Variants in RORA observed in about 807,000 individuals in gnomAD.
RORA encodes RAR related orphan receptor A, also known as nuclear receptor ROR-alpha.
RORA carries 7 observed loss-of-function variants against 69.5 expected under a neutral mutation model. That is an observed-to-expected ratio of 0.10 (90% CI 0.06 to 0.19). RORA has a LOEUF of 0.19. RORA is among the 10% of genes least tolerant of loss of function. The pLI is 1.00. For synonymous variants in RORA, 261 were observed against 240.8 expected (o/e 1.08, Z -0.78); for missense variants, 457 against 663.0 (o/e 0.69, Z 3.41).
At chr15:60,890,676 G>A (rs1476971968) in intron 1 of RORA, among the ~76,000 whole-genome samples, 8 of 152,188 alleles carry the variant, frequency 5.3e-5, no homozygotes, top group Admixed American at 4.6e-4. Flanking sequence ...GAAATCTTTG[G>A]CATTGCAGTA....
chr15:60,589,825 G>C lies in RORA; in HGVS notation c.197-57974C>G, dbSNP rs114882940. The stretch of plus-strand genomic sequence containing the variant: ...GAGAATCTTTCTTTTATGGTGGCTT[G>C]TTCTCTCCTCCCTTGTCCACATGCA... On this transcript the variant is annotated intron_variant, in intron 2 of 10. Transcript: ENST00000335670. Among the ~76,000 whole-genome samples, 559 of 152,254 alleles carry C rather than the reference G, an allele frequency of 3.7e-3. 1 individual carries two copies. Among genetic ancestry groups the C allele is most frequent in the Non-Finnish European group, 6.4e-3 (434 of 68,018 alleles).
At chr15:60,814,325 T>A in intron 1 of RORA, among the ~76,000 whole-genome samples, 1 of 152,182 alleles carries the variant, frequency 6.6e-6, no homozygotes, top group East Asian at 1.9e-4. Context: ...GCATGAATCA[T>A]ATGCTAAGGA....
At chr15:60,673,486 T>A (rs2070505831) in intron 2 of RORA, among the ~76,000 whole-genome samples, 1 of 152,348 alleles carries the variant, frequency 6.6e-6, no homozygotes. Flanking sequence ...AAATAGATGT[T>A]ACTCTGTAAG....
intron 1 of RORA, among the ~76,000 whole-genome samples, chr15:61,048,199 T>C (rs1426219264): frequency 2.0e-5 from 3 of 152,200 alleles, no homozygotes; most frequent in Non-Finnish European, 4.4e-5. Context: ...TAAGTAAGAT[T>C]ATGCTGGTGT....
At chr15:60,944,653 G>A (rs1199730381) in intron 1 of RORA, among the ~76,000 whole-genome samples, 2 of 150,454 alleles carry the variant, frequency 1.3e-5, no homozygotes, top group African/African-American at 4.9e-5. Flanking sequence ...TGAGCAAAAG[G>A]GGCAGAGGTT....
chr15:60,855,714 G>A (rs569202311), intron 1 of RORA, among the ~76,000 whole-genome samples: 20 of 151,982 alleles, frequency 1.3e-4, no homozygotes, highest in Admixed American at 7.9e-4. Context: ...TCCGCCTCCC[G>A]GATTTAAGCG....
rs977063957 is a variant in RORA, at chr15:60,872,279, T to C, written c.167-193593A>G. Among the ~76,000 whole-genome samples the C allele has an allele frequency of 3.9e-5, 6 of 152,294 alleles. No individual in the cohort carries two copies. The East Asian group carries it at 5.8e-4, about 15-fold the overall frequency. ...TCACAGGGGTATTAGGAAGATCATA[T>C]ACAAAGATGCTCTGGAGAATGCAAT... On this transcript the variant is annotated intron_variant, in intron 1 of 10. Coordinates refer to ENST00000335670, the MANE Select transcript of RORA (RefSeq NM_134261.3).
chr15:60,892,327 T>A (rs1362482091), intron 1 of RORA, among the ~76,000 whole-genome samples: 2 of 152,218 alleles, frequency 1.3e-5, no homozygotes, highest in Non-Finnish European at 2.9e-5. Context: ...AAATCAGGAA[T>A]ATTGAAACTC....
chr15:60,781,684 G>C (rs2072259197), intron 1 of RORA, among the ~76,000 whole-genome samples: 1 of 152,006 alleles, frequency 6.6e-6, no homozygotes, highest in Non-Finnish European at 1.5e-5. Context: ...GTGCCTCCCT[G>C]GGGTGGGGGG....
chr15:60,721,812 T>C (rs963177651), intron 1 of RORA, among the ~76,000 whole-genome samples: 1 of 152,270 alleles, frequency 6.6e-6, no homozygotes, highest in African/African-American at 2.4e-5. Flanking sequence ...GAGCAAAGAT[T>C]ATTTCTGCAG....
At chr15:60,743,016 A>ATTTTTTTTTTT (rs33922947) in intron 1 of RORA, among the ~76,000 whole-genome samples, 1 of 105,172 alleles carries the variant, frequency 9.5e-6, no homozygotes, top group Non-Finnish European at 1.9e-5. Context: ...CATTCATTCT[A>ATTTTTTTTTTT]TTTTTTTTTT....
chr15:60,782,480 G>A (rs1457306777), intron 1 of RORA, among the ~76,000 whole-genome samples: 1 of 152,046 alleles, frequency 6.6e-6, no homozygotes. Context: ...CTCCTTTCAC[G>A]ATCTTTATTT....
In RORA at chr15:61,061,392, A is replaced by ATACATACATAC. The variant is rs1555406922; in HGVS notation, c.166+167660_166+167661insGTATGTATGTA. On this transcript the variant is annotated intron_variant, in intron 1 of 10. Transcript: ENST00000335670. The surrounding 1 kb of genome is among the most constrained non-coding windows in gnomAD (Gnocchi z 4.4). ...AAATAAATAAATAAATAAATAAATAAATAAATACAAGGGCATCGCAGGAAG... is the reference window on the plus strand; with the variant it reads ...AAATAAATAAATAAATAAATAAATAATACATACATACATAAATACAAGGGCATCGCAGGAAG... 2.5e-5 allele frequency among the ~76,000 whole-genome samples: 3 copies of ATACATACATAC among 119,446 alleles called. No individual in the cohort carries two copies. Among genetic ancestry groups the ATACATACATAC allele is most frequent in the Admixed American group, 1.6e-4 (2 of 12,630 alleles). The allele number at this position is 119,446 out of a possible 152,430, so 78.4% of individuals were successfully genotyped here.
At chr15:60,688,600 G>C (rs948501231) in intron 1 of RORA, among the ~76,000 whole-genome samples, 9 of 152,194 alleles carry the variant, frequency 5.9e-5, no homozygotes, top group African/African-American at 2.2e-4. Context: ...CCTATGTGAA[G>C]TCTGAAGTGA....
Position 60,899,897 on chromosome 15 carries a change from C to T in RORA, c.167-221211G>A, listed in dbSNP as rs1294931622. On this transcript the variant is annotated intron_variant, in intron 1 of 10. Coordinates refer to ENST00000335670, the MANE Select transcript of RORA (RefSeq NM_134261.3). ...GCCTTCCCTAATACAGCCAATATAGCAGAGTGGGAGAAGCAGGGTCATGCT... is the reference window on the plus strand; with the variant it reads ...GCCTTCCCTAATACAGCCAATATAGTAGAGTGGGAGAAGCAGGGTCATGCT... 2.6e-5 allele frequency among the ~76,000 whole-genome samples: 4 copies of T among 152,204 alleles called. No homozygotes were observed. In the East Asian group the frequency reaches 7.7e-4, roughly 29 times the overall value.
intron 1 of RORA, among the ~76,000 whole-genome samples, chr15:61,125,075 G>A (rs1416315676): frequency 6.6e-6 from 1 of 152,160 alleles, no homozygotes; most frequent in Admixed American, 6.5e-5. Flanking sequence ...AACCTTTTCT[G>A]TGATTGCAAT....
At chr15:61,091,383 T>C (rs1012158635) in intron 1 of RORA, among the ~76,000 whole-genome samples, 1 of 152,144 alleles carries the variant, frequency 6.6e-6, no homozygotes, top group Non-Finnish European at 1.5e-5. Context: ...CCCTGCCAAA[T>C]TGCCATCAAA....
intron 2 of RORA, among the ~76,000 whole-genome samples, chr15:60,629,968 G>T (rs1596079285): frequency 6.6e-6 from 1 of 152,314 alleles, no homozygotes; most frequent in East Asian, 1.9e-4. Flanking sequence ...GTTGTCACAA[G>T]CCCAAGAAGA....
intron 1 of RORA, among the ~76,000 whole-genome samples, chr15:60,901,580 T>C (rs1026370661): frequency 6.6e-6 from 1 of 152,236 alleles, no homozygotes; most frequent in Non-Finnish European, 1.5e-5. Context: ...ACTTAACAAG[T>C]ATTTATGTCC....
Sources: gnomAD v4.1 joint callset for allele counts (sites outside exome capture counted in the v4.1 genomes callset) on GRCh38, gnomAD v4.1.1 for gene constraint, Gnocchi (gnomAD v3.1) non-coding constraint, MANE v1.5 for transcripts, NCBI Gene and HGNC (gene_info 2026-07-23, HGNC 2026-07-21) for gene names.